Variants in CC2D2A observed in about 807,000 individuals in gnomAD.
CC2D2A encodes the protein coiled-coil and C2 domain-containing protein 2A.
In CC2D2A, 155 loss-of-function variants were observed where a neutral mutation model predicts 212.9. That is an observed-to-expected ratio of 0.73 (90% CI 0.64 to 0.83). The LOEUF is 0.83. Among genes scored for constraint, CC2D2A ranks in the 40% least tolerant of loss-of-function variants. The probability of loss-of-function intolerance (pLI) is 0.00; values close to 1 mark genes in which losing one functional copy is unlikely to be tolerated. For synonymous variants in CC2D2A, 667 were observed against 686.5 expected (o/e 0.97, Z 0.44); for missense variants, 1,856 against 1,956.2 (o/e 0.95, Z 0.97).
intron 7 of CC2D2A, 95 bp from the exon 8 acceptor site, chr4:15,511,152 G>C (rs1716546784): frequency 7.5e-7 from 1 of 1,334,390 alleles, no homozygotes; most frequent in Middle Eastern, 1.8e-4. Context: ...GAATATGCCT[G>C]ATCTCATTAG....
chr4:15,568,036 G>T (rs1204251992), intron 26 of CC2D2A, among the ~76,000 whole-genome samples: 1 of 152,126 alleles, frequency 6.6e-6, no homozygotes, highest in Non-Finnish European at 1.5e-5. Context: ...GCTCCTCCAG[G>T]CTCTGGCTTC....
Position 15,570,477 on chromosome 4 carries a change from C to T in CC2D2A, c.3575C>T (p.Thr1192Ile), listed in dbSNP as rs1256369994. 22 of 1,602,626 alleles carry T rather than the reference C, an allele frequency of 1.4e-5. No individual in the cohort carries two copies. The highest frequency in any genetic ancestry group is 1.7e-5 in the Non-Finnish European group (20 of 1,172,666). ...GGATGTGTGAAAATGCCATTTAGCA[C>T]AATATATTTCCAAGCAAGGGTAAGT... is the stretch of plus-strand genomic sequence containing the variant. ...WLGCVKMPFS[T>I]IYFQARIDGT... Residue 1192 changes from threonine to isoleucine, a missense_variant, in exon 28 of 37, where the codon ACA (threonine) becomes ATA (isoleucine). Thr to Ile is a moderately conservative substitution (Grantham distance 89). Transcript: ENST00000424120.
intron 28 of CC2D2A, among the ~76,000 whole-genome samples, chr4:15,570,883 A>C (rs13138894): frequency 0.13 from 20,071 of 152,086 alleles, 1,422 homozygotes; most frequent in Non-Finnish European, 0.15. Flanking sequence ...GCGAGACTCC[A>C]TGTCAGAAAA....
intron 26 of CC2D2A, among the ~76,000 whole-genome samples, chr4:15,568,011 GT>G (rs1189934310): frequency 6.6e-6 from 1 of 152,134 alleles, no homozygotes; most frequent in Non-Finnish European, 1.5e-5. Context: ...CAGATTCATT[GT>G]TGGGACATCC....
intron 11 of CC2D2A, among the ~76,000 whole-genome samples, chr4:15,524,490 G>C (rs1717395280): frequency 8.0e-6 from 1 of 125,382 alleles, no homozygotes; most frequent in Non-Finnish European, 1.6e-5. Flanking sequence ...TCACTCTGCT[G>C]CCCAGGCTGG....
At chr4:15,541,526 G>A (rs1448729011) in intron 17 of CC2D2A, among the ~76,000 whole-genome samples, 2 of 152,118 alleles carry the variant, frequency 1.3e-5, no homozygotes, top group Non-Finnish European at 2.9e-5. Context: ...AATGCTGGCA[G>A]AATAACTCTG....
At chr4:15,510,433 A>G (rs1482586254) in intron 7 of CC2D2A, among the ~76,000 whole-genome samples, 193 bp downstream of exon 7, 1 of 151,984 alleles carries the variant, frequency 6.6e-6, no homozygotes. Flanking sequence ...CCATCTCTAC[A>G]AAAAATACAA....
At chr4:15,583,908 G>T (rs1034897677) in intron 30 of CC2D2A, among the ~76,000 whole-genome samples, 1 of 149,832 alleles carries the variant, frequency 6.7e-6, no homozygotes, top group African/African-American at 2.5e-5. Flanking sequence ...CCAGGATCGT[G>T]CCACTACACT....
At position 15,557,361 on chromosome 4, in the gene CC2D2A, C is replaced by A. The variant is rs764719093; in HGVS notation, c.2683C>A (p.Gln895Lys). The stretch of plus-strand genomic sequence containing the variant: ...TTTCTTTAGACTGGAGCAGCTGCAA[C>A]AGGAGTTTAACTTTGTTTCAGATCA... Reference protein sequence around the residue: ...PDFFRLEQLQQEFNFVSDQEL... With the variant: ...PDFFRLEQLQKEFNFVSDQEL... Residue 895 changes from glutamine to lysine, a missense_variant, in exon 21 of 37, where the codon CAG becomes AAG. Transcript: ENST00000424120. 1 of 1,613,624 alleles carries A rather than the reference C, an allele frequency of 6.2e-7. No homozygotes were observed. Among genetic ancestry groups the A allele is most frequent in the South Asian group, 1.1e-5 (1 of 91,052 alleles).
intron 35 of CC2D2A, among the ~76,000 whole-genome samples, chr4:15,598,801 A>T (rs534017034): frequency 6.6e-6 from 1 of 152,316 alleles, no homozygotes; most frequent in South Asian, 2.1e-4. Context: ...CCTACTTCTT[A>T]CGCCTGTGTC....
chr4:15,539,854 A>T (rs1443375295), intron 16 of CC2D2A, among the ~76,000 whole-genome samples: 3 of 152,266 alleles, frequency 2.0e-5, no homozygotes, highest in African/African-American at 2.4e-5. Flanking sequence ...GTCCTTTATT[A>T]AAAAAATGCT....
intron 29 of CC2D2A, 130 bp from the exon 30 acceptor site, chr4:15,579,838 C>T: frequency 2.9e-6 from 2 of 693,508 alleles, no homozygotes; most frequent in Non-Finnish European, 2.5e-6. Context: ...GACACCAGGA[C>T]ATGACAGCTT....
intron 18 of CC2D2A, among the ~76,000 whole-genome samples, chr4:15,552,485 A>C (rs937497378): frequency 9.2e-5 from 14 of 152,094 alleles, no homozygotes; most frequent in Non-Finnish European, 1.5e-5. Flanking sequence ...CCAAAGCACA[A>C]ATTTTCTATA....
chr4:15,501,317 C>A (rs893917749), intron 4 of CC2D2A, among the ~76,000 whole-genome samples: 6 of 152,044 alleles, frequency 3.9e-5, no homozygotes, highest in Non-Finnish European at 1.5e-5. Context: ...TCACACTGAC[C>A]CCCTTTCCTT....
intron 14 of CC2D2A, among the ~76,000 whole-genome samples, chr4:15,533,978 G>A (rs191236973): frequency 2.9e-3 from 448 of 152,266 alleles, no homozygotes; most frequent in Non-Finnish European, 4.8e-3. Flanking sequence ...GTTCTCGTAG[G>A]TGCTTATCAC....
intron 14 of CC2D2A, among the ~76,000 whole-genome samples, chr4:15,534,775 A>C (rs1345028735): frequency 6.6e-6 from 1 of 152,080 alleles, no homozygotes; most frequent in East Asian, 1.9e-4. Context: ...AAAAAAGCTT[A>C]GTTTTCAGGA....
intron 17 of CC2D2A, among the ~76,000 whole-genome samples, chr4:15,546,688 C>T (rs17476670): frequency 0.12 from 17,685 of 152,250 alleles, 1,194 homozygotes; most frequent in Non-Finnish European, 0.15. Context: ...ATACATCTTA[C>T]TTGCCATGCT....
intron 17 of CC2D2A, among the ~76,000 whole-genome samples, chr4:15,550,258 C>G (rs1007582098): frequency 7.9e-5 from 12 of 152,170 alleles, no homozygotes; most frequent in Non-Finnish European, 1.5e-5. Context: ...GTCTAATTGG[C>G]TCCATCTAGG....
chr4:15,482,157 G>A (rs933631058), intron 4 of CC2D2A: 1 of 985,292 alleles, frequency 1.0e-6, no homozygotes, highest in Non-Finnish European at 1.2e-6. Context: ...GAAACTAGAG[G>A]CCTTTGGAAG....
Sources: gnomAD v4.1 joint callset for allele counts (sites outside exome capture counted in the v4.1 genomes callset) on GRCh38, gnomAD v4.1.1 for gene constraint, MANE v1.5 for transcripts, NCBI Gene and HGNC (gene_info 2026-07-23, HGNC 2026-07-21) for gene names.